The following SYNJ2 variants were observed in gnomAD, a reference collection of about 807,000 sequenced individuals.
SYNJ2 encodes synaptojanin 2.
In SYNJ2, 116 loss-of-function variants were observed where a neutral mutation model predicts 141.3. The observed-to-expected ratio is 0.82, with a 90% CI of 0.71 to 0.96. The LOEUF (loss-of-function observed/expected upper bound fraction) is 0.96. Ranked by LOEUF, SYNJ2 falls within the 40% of genes least tolerant of loss-of-function variation. SYNJ2 has a pLI of 0.00. For synonymous variants in SYNJ2, 745 were observed against 777.7 expected, an observed-to-expected ratio of 0.96 and a Z score of 0.70; for missense variants, 1,873 against 1,934.8, an observed-to-expected ratio of 0.97 and a Z score of 0.60.
intron 3 of SYNJ2, chr6:158,029,394 CA>C (rs59043421): frequency 0.12 from 11,338 of 92,494 alleles, 851 homozygotes; most frequent in South Asian, 0.25. Context: ...ACTAAAAATA[CA>C]AAAAAAAAAA....
At chr6:158,005,338 A>C (rs2128322092) in intron 1 of SYNJ2, among the ~76,000 whole-genome samples, 1 of 152,130 alleles carries the variant, frequency 6.6e-6, no homozygotes, top group East Asian at 1.9e-4. Context: ...TGGCCTTCCA[A>C]AGTGCTGGGA....
chr6:158,094,108 C>A, intron 26 of SYNJ2: 1 of 665,024 alleles, frequency 1.5e-6, no homozygotes, highest in Non-Finnish European at 2.7e-6. Flanking sequence ...GCTTCGGCTT[C>A]ACTCTTGACA....
At chr6:158,005,137 G>T (rs1386559628) in intron 1 of SYNJ2, among the ~76,000 whole-genome samples, 23 of 150,422 alleles carry the variant, frequency 1.5e-4, no homozygotes, top group African/African-American at 5.4e-4. Context: ...GAGTGCAGTG[G>T]CGCGATCTCG....
chr6:158,057,044 T>G (rs1780909124), intron 6 of SYNJ2, among the ~76,000 whole-genome samples: 1 of 151,994 alleles, frequency 6.6e-6, no homozygotes. Context: ...CACAGGACAG[T>G]GAACCCCTTC....
At chr6:158,060,594 T>C (rs538654598) in intron 7 of SYNJ2, among the ~76,000 whole-genome samples, 6 of 152,372 alleles carry the variant, frequency 3.9e-5, no homozygotes, top group Admixed American at 1.3e-4. Flanking sequence ...CCAATTTTAT[T>C]TGGCCAGACC....
chr6:158,059,271 T>C lies in SYNJ2; in HGVS notation c.872T>C (p.Leu291Pro). The C allele has an allele frequency of 6.5e-7, 1 of 1,549,816 alleles. No homozygotes were observed. Among genetic ancestry groups the C allele is most frequent in the South Asian group, 1.2e-5 (1 of 83,970 alleles). The change falls in exon 7 of 27, where the codon CTG becomes CCG. Residue 291 changes from leucine (L) to proline (P), a missense_variant. Leu to Pro is a moderately conservative substitution (Grantham distance 98, BLOSUM62 -3). Transcript: ENST00000355585. The part of the protein sequence containing the change: ...APAFDRHMVL[L>P]KEQYGQQVVV... ...TGCCTTTGCAGGCACATGGTGCTTC[T>C]GAAGGAGCAGTACGGGCAGCAGGTG...
At chr6:158,006,900 TA>T (rs59014097) in intron 1 of SYNJ2, among the ~76,000 whole-genome samples, 144,773 of 152,160 alleles carry the variant, frequency 0.95, 68,932 homozygotes, top group East Asian at 1. Flanking sequence ...CTCGAACTCC[TA>T]AACCTCAGGT....
Position 158,045,702 on chromosome 6 carries a change from C to T in SYNJ2, c.795+2303C>T, listed in dbSNP as rs377416617. Among the ~76,000 whole-genome samples, 37 of 152,176 alleles carry T rather than the reference C, an allele frequency of 2.4e-4. No individual in the cohort carries two copies. The East Asian group carries it at 3.3e-3, about 14-fold the overall frequency. On this transcript the variant is annotated intron_variant, in intron 5 of 26. Coordinates refer to ENST00000355585, the MANE Select transcript of SYNJ2 (RefSeq NM_003898.4). ...CTAAGACTCTCAATGTTCTCATCTC[C>T]CTCATCTAAAAAATGACACTCCTTT...
rs747688900 is a variant in SYNJ2, at chr6:158,074,705, T to G, written c.2259T>G (p.Phe753Leu). ...AAGACTGGAAGAAACTTCTGGAATTTGATCAACTACAGCTACAGAAATCAA... is the reference window on the plus strand; with the variant it reads ...AAGACTGGAAGAAACTTCTGGAATTGGATCAACTACAGCTACAGAAATCAA... ...KRQDWKKLLE[F>L]DQLQLQKSSG... The change falls in exon 16 of 27, where the codon TTT (phenylalanine) becomes TTG (leucine). Residue 753 changes from phenylalanine to leucine, a missense_variant. Coordinates refer to ENST00000355585, the MANE Select transcript of SYNJ2 (RefSeq NM_003898.4). The G allele has an allele frequency of 3.1e-6, 5 of 1,613,736 alleles. No individual in the cohort carries two copies.
intron 2 of SYNJ2, among the ~76,000 whole-genome samples, chr6:158,018,420 A>G (rs1778586896): frequency 6.6e-6 from 1 of 152,286 alleles, no homozygotes; most frequent in African/African-American, 2.4e-5. Flanking sequence ...GAATGGCTGT[A>G]TGGGTTGTCT....
chr6:158,083,353 G>A, intron 20 of SYNJ2, 76 bp from the exon 21 acceptor site: 1 of 1,538,410 alleles, frequency 6.5e-7, no homozygotes, highest in Non-Finnish European at 8.8e-7. Flanking sequence ...TGTGGGTTTT[G>A]GTGAGAAGCA....
chr6:158,000,719 C>T (rs1777816141), intron 1 of SYNJ2, among the ~76,000 whole-genome samples: 1 of 152,120 alleles, frequency 6.6e-6, no homozygotes, highest in African/African-American at 2.4e-5. Context: ...CCTGACCTAC[C>T]CGCACCGCAC....
intron 4 of SYNJ2, among the ~76,000 whole-genome samples, chr6:158,042,494 C>G (rs1780001596): frequency 6.6e-6 from 1 of 152,240 alleles, no homozygotes; most frequent in African/African-American, 2.4e-5. Context: ...CCAGGCCAGG[C>G]TAGAGTTGCG....
At chr6:158,068,077 G>A in intron 12 of SYNJ2, 1 of 743,840 alleles carries the variant, frequency 1.3e-6, no homozygotes, top group Non-Finnish European at 1.6e-6. Context: ...TCCAGAGAAG[G>A]AAAGGAGTGC....
chr6:158,044,363 G>A (rs936037018), intron 5 of SYNJ2, among the ~76,000 whole-genome samples: 14 of 152,218 alleles, frequency 9.2e-5, no homozygotes, highest in African/African-American at 2.9e-4. Context: ...CTGTCAGCAC[G>A]CTGCAGTGAC....
intron 23 of SYNJ2, 117 bp downstream of exon 23, chr6:158,087,106 G>A: frequency 8.2e-7 from 1 of 1,222,452 alleles, no homozygotes; most frequent in Non-Finnish European, 1.1e-6. Context: ...TCCCCACAGG[G>A]CTTCCTCCTC....
chr6:158,095,528 C>T, intron 26 of SYNJ2, 90 bp from the exon 27 acceptor site: 1 of 1,471,538 alleles, frequency 6.8e-7, no homozygotes, highest in South Asian at 1.4e-5. Context: ...TTGGTCTCAT[C>T]TCTGTTCTCT....
chr6:158,092,888 T>C (rs1433995788), intron 25 of SYNJ2, 38 bp from the exon 26 acceptor site: 1 of 1,542,866 alleles, frequency 6.5e-7, no homozygotes, highest in Non-Finnish European at 8.7e-7. Context: ...TGAATTGCCT[T>C]GTCCTTTACA....
chr6:158,082,577 G>A (rs1022406054), intron 20 of SYNJ2, among the ~76,000 whole-genome samples: 1 of 151,280 alleles, frequency 6.6e-6, no homozygotes, highest in African/African-American at 2.4e-5. Context: ...CAGGAGAATC[G>A]CTTGAACCTG....
Sources: gnomAD v4.1 joint callset for allele counts (sites outside exome capture counted in the v4.1 genomes callset) on GRCh38, gnomAD v4.1.1 for gene constraint, MANE v1.5 for transcripts, NCBI Gene and HGNC (gene_info 2026-07-23, HGNC 2026-07-21) for gene names.